Variants in PEX5L observed in about 807,000 individuals in gnomAD.
The protein encoded by PEX5L is PEX5-related protein.
In PEX5L, 30 loss-of-function variants were observed where a neutral mutation model predicts 84.0. That is an observed-to-expected ratio of 0.36 (90% confidence interval 0.27 to 0.48). The LOEUF (loss-of-function observed/expected upper bound fraction) is 0.48. Ranked by LOEUF, PEX5L falls within the 20% of genes least tolerant of loss-of-function variation. PEX5L has a pLI of 0.99. For missense variants in PEX5L, 533 were observed against 754.6 expected, an observed-to-expected ratio of 0.71 and a Z score of 3.44; for synonymous variants, 270 against 283.1, an observed-to-expected ratio of 0.95 and a Z score of 0.46.
intron 8 of PEX5L, among the ~76,000 whole-genome samples, chr3:179,849,225 A>C (rs1171093060): frequency 2.6e-5 from 4 of 152,224 alleles, no homozygotes; most frequent in Non-Finnish European, 4.4e-5. Flanking sequence ...CTATTTATAC[A>C]ATGTATTTTG....
intron 2 of PEX5L, among the ~76,000 whole-genome samples, chr3:179,955,474 T>C (rs1780270248): frequency 1.5e-5 from 1 of 65,814 alleles, no homozygotes; most frequent in Admixed American, 1.5e-4. Flanking sequence ...AGTTCTGCTA[T>C]GCTCTTTTTT....
At chr3:179,939,600 C>A (rs1190017287) in intron 2 of PEX5L, among the ~76,000 whole-genome samples, 7 of 152,304 alleles carry the variant, frequency 4.6e-5, no homozygotes, top group Middle Eastern at 3.4e-3. Flanking sequence ...CAGAGGAGAA[C>A]TTAGAACATA....
chr3:180,007,281 G>T (rs1013773575), intron 1 of PEX5L, among the ~76,000 whole-genome samples: 2 of 152,158 alleles, frequency 1.3e-5, no homozygotes, highest in African/African-American at 4.8e-5. Context: ...TTGACTCCAG[G>T]TCTCACATCC....
intron 1 of PEX5L, among the ~76,000 whole-genome samples, chr3:180,007,175 A>G (rs1413711410): frequency 4.6e-5 from 7 of 152,204 alleles, no homozygotes; most frequent in African/African-American, 1.2e-4. Flanking sequence ...GCTGTTCCAA[A>G]TGGGAGAAAC....
chr3:179,953,564 A>G (rs141834434), intron 2 of PEX5L, among the ~76,000 whole-genome samples: 2,340 of 152,290 alleles, frequency 0.015, 59 homozygotes, highest in African/African-American at 0.053. Context: ...ATCTTGATCA[A>G]TTTAACATTA....
chr3:179,976,490 T>G (rs1358818231), intron 1 of PEX5L, among the ~76,000 whole-genome samples: 1 of 151,736 alleles, frequency 6.6e-6, no homozygotes, highest in African/African-American at 2.4e-5. Context: ...CAGGCTGGAG[T>G]TCCGTGATGT....
At position 179,874,317 on chromosome 3, in the gene PEX5L, GTT is replaced by G. The variant is rs1402800032; in HGVS notation, c.726+8_726+9del. 1.6e-5 allele frequency: 25 copies of G among 1,527,294 alleles called. No individual in the cohort carries two copies. Among genetic ancestry groups the G allele is most frequent in the Non-Finnish European group, 2.1e-5 (23 of 1,101,892 alleles). 94.6% of individuals were successfully genotyped at this position (1,527,294 alleles called of 1,614,324 possible). A position where few individuals can be genotyped will look rare whatever the true frequency, so the allele number is the denominator to read the frequency against. ...GAAAGATGTGTTCATTGAATAATCA[GTT>G]TTGTTACCTGAGTCGGAGCCACTAA... On this transcript the variant is annotated splice_region_variant and intron_variant, in intron 7 of 14. Coordinates refer to ENST00000467460, the MANE Select transcript of PEX5L (RefSeq NM_016559.3).
In PEX5L at chr3:179,885,014, C is replaced by T. The variant is rs943920759; in HGVS notation, c.310+2659G>A. 2.9e-4 allele frequency among the ~76,000 whole-genome samples: 8 copies of T among 27,208 alleles called. No individual in the cohort carries two copies. In the South Asian group the frequency reaches 0.02, roughly 69 times the overall value. 17.8% of individuals were successfully genotyped at this position (27,208 alleles called of 152,430 possible). A position where few individuals can be genotyped will look rare whatever the true frequency, so the allele number is the denominator to read the frequency against. On this transcript the variant is annotated intron_variant, in intron 4 of 14. Coordinates refer to ENST00000467460, the MANE Select transcript of PEX5L (RefSeq NM_016559.3). ...ATTTATATAAAAACTAGATTTCTTA[C>T]GAATTAAAAATATATAATATTTTTG...
At chr3:179,939,165 T>G (rs932045212) in intron 2 of PEX5L, among the ~76,000 whole-genome samples, 1 of 152,208 alleles carries the variant, frequency 6.6e-6, no homozygotes, top group Non-Finnish European at 1.5e-5. Flanking sequence ...TTCTACATGG[T>G]CTTCACTTTT....
chr3:179,998,875 T>C (rs1434476634), intron 1 of PEX5L, among the ~76,000 whole-genome samples: 1 of 152,194 alleles, frequency 6.6e-6, no homozygotes, highest in African/African-American at 2.4e-5. Flanking sequence ...GGGAGTTCCC[T>C]ATGGTCAGTT....
chr3:179,921,853 A>G (rs1769540355), intron 2 of PEX5L: 1 of 152,208 alleles, frequency 6.6e-6, no homozygotes, highest in South Asian at 2.1e-4. Context: ...TTGGAATCAC[A>G]AGATGTTTTT....
intron 2 of PEX5L, among the ~76,000 whole-genome samples, chr3:179,908,138 G>A (rs530410090): frequency 1.3e-5 from 2 of 152,306 alleles, no homozygotes; most frequent in East Asian, 1.9e-4. Context: ...ATTTCTCTGG[G>A]GGTCATTGGC....
chr3:179,885,427 A>T (rs1194098603), intron 4 of PEX5L, among the ~76,000 whole-genome samples: 1 of 152,116 alleles, frequency 6.6e-6, no homozygotes, highest in Non-Finnish European at 1.5e-5. Context: ...TGGGCAGATC[A>T]CAAGGTCAGG....
intron 2 of PEX5L, among the ~76,000 whole-genome samples, chr3:179,921,132 T>C (rs1769236018): frequency 6.6e-6 from 1 of 152,078 alleles, no homozygotes; most frequent in South Asian, 2.1e-4. Flanking sequence ...AGGTGGTACT[T>C]GGTAACATAA....
Position 179,796,269 on chromosome 3 carries a change from T to C in PEX5L, c.*5559A>G, listed in dbSNP as rs1319339386. The C allele has an allele frequency of 1.3e-5, 2 of 152,190 alleles. No individual in the cohort carries two copies. The highest frequency in any genetic ancestry group is 4.8e-5 in the African/African-American group (2 of 41,438). 9.4% of individuals were successfully genotyped at this position (152,190 alleles called of 1,614,324 possible). ...TGTTGTTGTTTCCATCTTAATATTA[T>C]TTTGAGTGCAGGCTTCTATTAAGTA... On this transcript the variant is annotated 3_prime_UTR_variant, in exon 15 of 15. Transcript: ENST00000467460.
chr3:179,880,479 A>G (rs1753825143), intron 4 of PEX5L, among the ~76,000 whole-genome samples: 3 of 152,216 alleles, frequency 2.0e-5, no homozygotes, highest in African/African-American at 7.2e-5. Flanking sequence ...CCCAGAGAGG[A>G]GTCAATCTAC....
intron 1 of PEX5L, among the ~76,000 whole-genome samples, chr3:179,982,484 C>T (rs1215506254): frequency 6.6e-6 from 1 of 152,052 alleles, no homozygotes; most frequent in Non-Finnish European, 1.5e-5. Flanking sequence ...ATCTTAGGTG[C>T]TTCAATTAGG....
rs1178375452 is a variant in PEX5L at position 180,010,246 on chromosome 3, C to CTT, written c.21+26331_21+26332dup. On this transcript the variant is annotated intron_variant, in intron 1 of 14. Transcript: ENST00000467460. ...AGGCGTGAGCCACTGCACCCGGCCT[C>CTT]TTTTTTTTTTTTTTTTTTTTCTGTA... is the stretch of plus-strand genomic sequence containing the variant. 7.3e-3 allele frequency among the ~76,000 whole-genome samples: 765 copies of CTT among 105,108 alleles called. 85 individuals are homozygous for CTT. Among genetic ancestry groups the CTT allele is most frequent in the African/African-American group, 0.026 (590 of 23,068 alleles). 69.0% of individuals were successfully genotyped at this position (105,108 alleles called of 152,430 possible). A position where few individuals can be genotyped will look rare whatever the true frequency, so the allele number is the denominator to read the frequency against.
At chr3:179,986,814 T>G (rs978421668) in intron 1 of PEX5L, among the ~76,000 whole-genome samples, 3 of 152,232 alleles carry the variant, frequency 2.0e-5, no homozygotes, top group African/African-American at 7.2e-5. Context: ...TCTTTTCAGC[T>G]CAGCCCCCTG....
Sources: allele counts gnomAD v4.1 joint callset (sites outside exome capture counted in the v4.1 genomes callset), GRCh38; gene constraint gnomAD v4.1.1; transcripts MANE v1.5; gene names NCBI Gene and HGNC (gene_info 2026-07-23, HGNC 2026-07-21).